The following SHQ1 variants were observed in gnomAD, a reference collection of about 807,000 sequenced individuals.
The protein encoded by SHQ1 is protein SHQ1 homolog.
In SHQ1, 49 loss-of-function variants were observed where a neutral mutation model predicts 53.8. That is an observed-to-expected ratio of 0.91 (90% confidence interval 0.72 to 1.16). SHQ1 has a LOEUF of 1.16. SHQ1 is among the 50% of genes most tolerant of loss of function. The probability of loss-of-function intolerance (pLI) is 0.00; values close to 1 mark genes in which losing one functional copy is unlikely to be tolerated. For missense variants in SHQ1, 738 were observed against 683.1 expected (o/e 1.08, Z -0.90); for synonymous variants, 243 against 251.0 (o/e 0.97, Z 0.30).
At chr3:72,736,720 G>A in the SHQ1 span, among the ~76,000 whole-genome samples, 1 of 142,670 alleles carries the variant, frequency 7.0e-6, no homozygotes, top group African/African-American at 2.6e-5. Context: ...TTGAACCCAG[G>A]AGGCAGAAGT....
chr3:72,796,101 CAAAAAAAAAA>C (rs555086403), intron 9 of SHQ1, among the ~76,000 whole-genome samples: 994 of 40,562 alleles, frequency 0.025, 28 homozygotes, highest in African/African-American at 0.068. Flanking sequence ...GACTCCATCT[CAAAAAAAAAA>C]AAAAAAAAAA....
chr3:72,789,930 T>G (rs1222750639), intron 10 of SHQ1, among the ~76,000 whole-genome samples: 1 of 152,254 alleles, frequency 6.6e-6, no homozygotes, highest in Non-Finnish European at 1.5e-5. Context: ...GACAACTGGT[T>G]GCATAAGTGG....
At chr3:72,846,397 C>T (rs1452136570) in intron 1 of SHQ1, 1 of 1,216,470 alleles carries the variant, frequency 8.2e-7, no homozygotes, top group Non-Finnish European at 1.1e-6. Context: ...CAGGTTCAAG[C>T]GATTCTCTCA....
chr3:72,730,845 A>G, the SHQ1 span, among the ~76,000 whole-genome samples: 1 of 149,770 alleles, frequency 6.7e-6, no homozygotes, highest in Non-Finnish European at 1.5e-5. Context: ...GGTATATGCA[A>G]TTTCTTTTCC....
At chr3:72,745,317 C>A (rs546106805), downstream of SHQ1, among the ~76,000 whole-genome samples, 16 of 152,156 alleles carry the variant, frequency 1.1e-4, no homozygotes, top group Non-Finnish European at 1.8e-4. Context: ...TGGTAGGGAG[C>A]ACTCTTGTCT....
At chr3:72,809,043 C>T (rs1707039224) in intron 9 of SHQ1, among the ~76,000 whole-genome samples, 2 of 151,370 alleles carry the variant, frequency 1.3e-5, no homozygotes, top group Admixed American at 6.6e-5. Context: ...TTTTAAGAGG[C>T]CCTAAGAGAG....
the SHQ1 span, among the ~76,000 whole-genome samples, chr3:72,734,150 ACT>A: frequency 3.3e-5 from 5 of 150,814 alleles, no homozygotes; most frequent in African/African-American, 1.2e-4. Context: ...ACACAGCGAG[ACT>A]CTGTCTCAAA....
chr3:72,761,163 A>T (rs1705601338), intron 10 of SHQ1, among the ~76,000 whole-genome samples: 1 of 152,114 alleles, frequency 6.6e-6, no homozygotes, highest in African/African-American at 2.4e-5. Flanking sequence ...ATTTTTACTT[A>T]TTTTTAAAAT....
At position 72,755,209 on chromosome 3, in the gene SHQ1, T is replaced by C. The variant is rs1040985708; in HGVS notation, c.1182-4373A>G. On this transcript the variant is annotated intron_variant, in intron 10 of 10. Transcript: ENST00000325599. ...AAAGTTTTTCACTTTCGGCATTATA[T>C]TATGTTTAAAATTACCAGGTTATAC... Among the ~76,000 whole-genome samples, 15 of 152,102 alleles carry C rather than the reference T, an allele frequency of 9.9e-5. 1 individual carries two copies. The highest frequency in any genetic ancestry group is 3.4e-4 in the African/African-American group (14 of 41,400).
intron 7 of SHQ1, among the ~76,000 whole-genome samples, chr3:72,816,063 T>C (rs1707306184): frequency 6.6e-6 from 1 of 152,200 alleles, no homozygotes; most frequent in Non-Finnish European, 1.5e-5. Flanking sequence ...TTCAGATATA[T>C]TATGCCCTTA....
At chr3:72,820,567 A>C (rs1272336973) in intron 6 of SHQ1, among the ~76,000 whole-genome samples, 1 of 152,172 alleles carries the variant, frequency 6.6e-6, no homozygotes, top group African/African-American at 2.4e-5. Context: ...CCAAAGGGGA[A>C]CTTGGGGGAA....
At chr3:72,731,562 C>T in the SHQ1 span, among the ~76,000 whole-genome samples, 1 of 150,728 alleles carries the variant, frequency 6.6e-6, no homozygotes, top group Non-Finnish European at 1.5e-5. Flanking sequence ...GTGGCAGGCA[C>T]CTGTAATCCC....
intron 10 of SHQ1, among the ~76,000 whole-genome samples, chr3:72,766,374 A>G (rs1705731280): frequency 6.6e-6 from 1 of 152,080 alleles, no homozygotes; most frequent in African/African-American, 2.4e-5. Flanking sequence ...CTGTGGGCCA[A>G]CCTGCACCTC....
At chr3:72,842,755 T>C (rs1708212395) in intron 2 of SHQ1, among the ~76,000 whole-genome samples, 1 of 152,166 alleles carries the variant, frequency 6.6e-6, no homozygotes, top group Admixed American at 6.5e-5. Context: ...TAACAAGGGT[T>C]TTTCAGAAGC....
rs963137527 is a variant in SHQ1, at chr3:72,840,894, C to T, written c.486+151G>A. 10 of 824,092 alleles carry T rather than the reference C, an allele frequency of 1.2e-5. No homozygotes were observed. In the African/African-American group the frequency reaches 1.8e-4, roughly 15 times the overall value. 51.0% of individuals were successfully genotyped at this position (824,092 alleles called of 1,614,324 possible). ...AGCCAATGAAATGGAAGGGAATGCA[C>T]ATCTATGTACTTTAGCTGTGCTAAG... On this transcript the variant is annotated intron_variant, in intron 4 of 10. Coordinates refer to ENST00000325599, the MANE Select transcript of SHQ1 (RefSeq NM_018130.3).
At chr3:72,788,566 C>T (rs539873566) in intron 10 of SHQ1, among the ~76,000 whole-genome samples, 17 of 152,318 alleles carry the variant, frequency 1.1e-4, no homozygotes, top group Admixed American at 8.5e-4. Flanking sequence ...GCCGCCACCC[C>T]GTCTGGGAGG....
At chr3:72,819,705 T>C (rs1020272648) in intron 6 of SHQ1, among the ~76,000 whole-genome samples, 3 of 152,162 alleles carry the variant, frequency 2.0e-5, no homozygotes, top group African/African-American at 7.2e-5. Context: ...ATTTCAAACA[T>C]GTTTTGTTCA....
chr3:72,831,554 T>C (rs1338648121), intron 5 of SHQ1, among the ~76,000 whole-genome samples: 2 of 152,188 alleles, frequency 1.3e-5, no homozygotes, highest in African/African-American at 4.8e-5. Context: ...ATATGATGAT[T>C]ATAGCTATAT....
intron 4 of SHQ1, among the ~76,000 whole-genome samples, chr3:72,833,519 TA>T (rs1559696424): frequency 7.0e-6 from 1 of 142,950 alleles, no homozygotes; most frequent in African/African-American, 2.6e-5. Context: ...GACAGACAGA[TA>T]GATGGATGAT....
Sources: gnomAD v4.1 joint callset for allele counts (sites outside exome capture counted in the v4.1 genomes callset) on GRCh38, gnomAD v4.1.1 for gene constraint, MANE v1.5 for transcripts, NCBI Gene and HGNC (gene_info 2026-07-23, HGNC 2026-07-21) for gene names.